Variants in LRRC4C observed in about 807,000 individuals in gnomAD.
LRRC4C encodes leucine-rich repeat-containing protein 4C.
Under a neutral mutation model 33.6 loss-of-function variants are expected in LRRC4C, and 5 were observed. The ratio of observed to expected loss-of-function variants is 0.15; its 90% CI spans 0.08 to 0.31. LRRC4C has a LOEUF of 0.31. Ranked by LOEUF, LRRC4C falls within the 10% of genes least tolerant of loss-of-function variation. The probability of loss-of-function intolerance (pLI) is 1.00; values close to 1 mark genes in which losing one functional copy is unlikely to be tolerated. For missense variants in LRRC4C, 560 were observed against 796.7 expected, an observed-to-expected ratio of 0.70 and a Z score of 3.58; for synonymous variants, 329 against 302.0, an observed-to-expected ratio of 1.09 and a Z score of -0.93.
chr11:41,092,987 T>C (rs1282385313), intron 1 of LRRC4C, among the ~76,000 whole-genome samples: 1 of 152,234 alleles, frequency 6.6e-6, no homozygotes, highest in Non-Finnish European at 1.5e-5. Context: ...ATATGGAAAG[T>C]ACTTCATCAA....
chr11:41,049,235 A>G (rs184898980), intron 1 of LRRC4C, among the ~76,000 whole-genome samples: 105 of 152,140 alleles, frequency 6.9e-4, no homozygotes, highest in Non-Finnish European at 1.2e-3. Flanking sequence ...ATGAGACCTG[A>G]TGGTTTTATA....
chr11:40,914,804 G>C (rs1490813678), intron 2 of LRRC4C, among the ~76,000 whole-genome samples: 1 of 152,136 alleles, frequency 6.6e-6, no homozygotes, highest in African/African-American at 2.4e-5. Flanking sequence ...AAACCCCATC[G>C]TCTCAGCCCA....
Position 40,210,400 on chromosome 11 carries a change from T to C in LRRC4C, c.-96+31119A>G, listed in dbSNP as rs77084345. Among the ~76,000 whole-genome samples the C allele has an allele frequency of 8.7e-4, 132 of 152,378 alleles. 3 individuals are homozygous for C. The East Asian group carries it at 0.024, about 28-fold the overall frequency. ...AATATTTCTTATTATTCATGTGTTATCTTCTGGACCTAATGAAGGGTCTCA... is the reference window on the plus strand; with the variant it reads ...AATATTTCTTATTATTCATGTGTTACCTTCTGGACCTAATGAAGGGTCTCA... On this transcript the variant is annotated intron_variant, in intron 5 of 6. Transcript: ENST00000528697.
intron 1 of LRRC4C, among the ~76,000 whole-genome samples, chr11:41,260,315 G>A (rs1028157205): frequency 2.6e-5 from 4 of 152,036 alleles, no homozygotes; most frequent in African/African-American, 9.7e-5. Flanking sequence ...TAGGATATGT[G>A]AAGGAAGCTT....
At chr11:41,035,616 G>T (rs1053455658) in intron 1 of LRRC4C, among the ~76,000 whole-genome samples, 2 of 152,138 alleles carry the variant, frequency 1.3e-5, no homozygotes, top group Admixed American at 1.3e-4. Context: ...GAGCGTAACT[G>T]AGGTGAAGCA....
At chr11:40,589,535 T>G (rs1481360143) in intron 3 of LRRC4C, among the ~76,000 whole-genome samples, 6 of 150,610 alleles carry the variant, frequency 4.0e-5, no homozygotes, top group South Asian at 2.1e-4. Flanking sequence ...GTTAGCTGGT[T>G]ATTTTGCTCG....
intron 2 of LRRC4C, among the ~76,000 whole-genome samples, chr11:40,926,804 A>G (rs964475621): frequency 2.0e-4 from 31 of 152,196 alleles, no homozygotes; most frequent in African/African-American, 6.0e-4. Flanking sequence ...TTACACATAT[A>G]CTTATTTAAC....
intron 2 of LRRC4C, among the ~76,000 whole-genome samples, chr11:40,739,115 T>A (rs1948035191): frequency 6.6e-6 from 1 of 151,762 alleles, no homozygotes; most frequent in Admixed American, 6.6e-5. Flanking sequence ...ATATTATATG[T>A]TCCTATATTA....
At chr11:41,307,595 A>C (rs1950540043) in intron 1 of LRRC4C, among the ~76,000 whole-genome samples, 3 of 152,166 alleles carry the variant, frequency 2.0e-5, no homozygotes, top group Admixed American at 2.0e-4. Flanking sequence ...GAAAAGAAAT[A>C]TGAATGGACA....
chr11:40,777,319 G>C (rs939692101), intron 2 of LRRC4C, among the ~76,000 whole-genome samples: 1 of 151,968 alleles, frequency 6.6e-6, no homozygotes, highest in South Asian at 2.1e-4. Flanking sequence ...TTGTCTGCGG[G>C]GTGTGGACTT....
At chr11:41,159,880 T>G (rs1944391121) in intron 1 of LRRC4C, among the ~76,000 whole-genome samples, 1 of 152,118 alleles carries the variant, frequency 6.6e-6, no homozygotes, top group African/African-American at 2.4e-5. Context: ...GCCTTGTAAG[T>G]GCATTTGATT....
intron 1 of LRRC4C, among the ~76,000 whole-genome samples, chr11:41,172,891 G>A (rs1945036608): frequency 6.6e-6 from 1 of 151,876 alleles, no homozygotes; most frequent in Non-Finnish European, 1.5e-5. Flanking sequence ...GAAATGGAAG[G>A]GGCCTTAGAT....
At chr11:40,684,935 C>A (rs1591460543) in intron 2 of LRRC4C, among the ~76,000 whole-genome samples, 2 of 151,798 alleles carry the variant, frequency 1.3e-5, no homozygotes, top group Non-Finnish European at 2.9e-5. Context: ...TTTTCAAAAT[C>A]TAAAAATAAT....
chr11:41,377,958 T>C (rs1433781944), intron 1 of LRRC4C, among the ~76,000 whole-genome samples: 2 of 152,148 alleles, frequency 1.3e-5, no homozygotes, highest in African/African-American at 4.8e-5. Flanking sequence ...CTTTCCCTTA[T>C]ATTTAATCCG....
intron 1 of LRRC4C, among the ~76,000 whole-genome samples, chr11:41,160,870 T>C (rs1284001149): frequency 6.6e-6 from 1 of 152,112 alleles, no homozygotes; most frequent in South Asian, 2.1e-4. Context: ...GCAAGGAACA[T>C]TATATTTATG....
At chr11:40,370,957 T>G (rs1053066112) in intron 3 of LRRC4C, among the ~76,000 whole-genome samples, 1 of 152,150 alleles carries the variant, frequency 6.6e-6, no homozygotes, top group African/African-American at 2.4e-5. Context: ...TTTGTAAAGT[T>G]TTAACGTGAA....
chr11:41,197,830 G>C (rs1401106978), intron 1 of LRRC4C, among the ~76,000 whole-genome samples: 1 of 151,902 alleles, frequency 6.6e-6, no homozygotes, highest in Admixed American at 6.6e-5. Context: ...CCTACATCAT[G>C]GAAAGGTGGT....
At chr11:41,034,376 C>T (rs1856905668) in intron 1 of LRRC4C, among the ~76,000 whole-genome samples, 1 of 149,246 alleles carries the variant, frequency 6.7e-6, no homozygotes, top group Non-Finnish European at 1.5e-5. Flanking sequence ...TATAAATTAC[C>T]CACTGCTATT....
intron 2 of LRRC4C, among the ~76,000 whole-genome samples, chr11:40,834,903 GACAGACAGAC>G (rs1336698987): frequency 8.7e-4 from 34 of 39,054 alleles, no homozygotes; most frequent in Non-Finnish European, 2.6e-3. Flanking sequence ...CAGACAGACA[GACAGACAGAC>G]ACACACACAC....
Sources: allele counts gnomAD v4.1 joint callset (sites outside exome capture counted in the v4.1 genomes callset), GRCh38; gene constraint gnomAD v4.1.1; transcripts MANE v1.5; gene names NCBI Gene and HGNC (gene_info 2026-07-23, HGNC 2026-07-21).